The following PROC variants were observed in gnomAD, a reference collection of about 807,000 sequenced individuals.
PROC encodes the protein vitamin K-dependent protein C.
Under a neutral mutation model 36.3 loss-of-function variants are expected in PROC, and 22 were observed. The ratio of observed to expected loss-of-function variants is 0.61; its 90% CI spans 0.43 to 0.86. The LOEUF (loss-of-function observed/expected upper bound fraction) is 0.86. Ranked by LOEUF, PROC falls within the 40% of genes least tolerant of loss-of-function variation. The probability of loss-of-function intolerance (pLI) is 0.00; values close to 1 mark genes in which losing one functional copy is unlikely to be tolerated. For synonymous variants in PROC, 218 were observed against 244.5 expected (o/e 0.89, Z 1.01); for missense variants, 526 against 629.7 (o/e 0.84, Z 1.76).
chr2:127,426,697 A>G lies in PROC; in HGVS notation c.679-408A>G, dbSNP rs529057452. Among the ~76,000 whole-genome samples, 531 of 152,248 alleles carry G rather than the reference A, an allele frequency of 3.5e-3. 2 individuals carry two copies. Among genetic ancestry groups the G allele is most frequent in the Non-Finnish European group, 6.6e-3 (447 of 68,000 alleles). On this transcript the variant is annotated intron_variant, in intron 7 of 8. Coordinates refer to ENST00000234071, the MANE Select transcript of PROC (RefSeq NM_000312.4). The surrounding 1 kb of genome is among the most constrained non-coding windows in gnomAD (Gnocchi z 7.0). ...AGACTCTGCAAGGGTCAGGACCCCA[A>G]AGACCCGGCAGCCCAGTGGGACCAC...
Position 127,426,353 on chromosome 2 carries a change from A to T in PROC, c.678+126A>T. 1 of 1,383,826 alleles carries T rather than the reference A, an allele frequency of 7.2e-7. No homozygotes were observed. The highest frequency in any genetic ancestry group is 2.0e-4 in the Middle Eastern group (1 of 4,984). 85.7% of individuals were successfully genotyped at this position (1,383,826 alleles called of 1,614,324 possible). ...CTGCCATTGCGTTTGGGGGATGATG[A>T]AGGTGGGGGATGCTTCAGGGAAAGA... On this transcript the variant is annotated intron_variant, in intron 7 of 8. Transcript: ENST00000234071. The surrounding 1 kb of genome is among the most constrained non-coding windows in gnomAD (Gnocchi z 7.0).
chr2:127,424,667 T>C (rs1448711415), intron 6 of PROC, among the ~76,000 whole-genome samples: 1 of 152,188 alleles, frequency 6.6e-6, no homozygotes, highest in Non-Finnish European at 1.5e-5. Flanking sequence ...AGTGAGACCC[T>C]GTCTCTATTT....
In PROC at chr2:127,418,512, G is replaced by A. The variant is rs759889483; in HGVS notation, c.-22+20G>A. ...GCCCCTGTGAGTCCCCCTCCAGGCA[G>A]GTCTATGAGGGGTGTGGAGGGAGGG... On this transcript the variant is annotated intron_variant, in intron 1 of 8. Transcript: ENST00000234071. The surrounding 1 kb of genome is among the most constrained non-coding windows in gnomAD (Gnocchi z 4.8). 1 of 1,289,694 alleles carries A rather than the reference G, an allele frequency of 7.8e-7. No individual in the cohort carries two copies. Among genetic ancestry groups the A allele is most frequent in the Non-Finnish European group, 1.0e-6 (1 of 988,732 alleles). 79.9% of individuals were successfully genotyped at this position (1,289,694 alleles called of 1,614,324 possible). A position where few individuals can be genotyped will look rare whatever the true frequency, so the allele number is the denominator to read the frequency against.
In PROC at chr2:127,426,446, G is replaced by T; in HGVS notation, c.678+219G>T. 1 of 614,152 alleles carries T rather than the reference G, an allele frequency of 1.6e-6. No homozygotes were observed. The highest frequency in any genetic ancestry group is 2.9e-6 in the Non-Finnish European group (1 of 350,830). 38.0% of individuals were successfully genotyped at this position (614,152 alleles called of 1,614,324 possible). Reference sequence around the variant, plus strand: ...GGGAGGGGCATGGGGGCATGGAGGGGTCTGCAGGAGGGAGGGTTACAGTTT... The same window carrying T: ...GGGAGGGGCATGGGGGCATGGAGGGTTCTGCAGGAGGGAGGGTTACAGTTT... On this transcript the variant is annotated intron_variant, in intron 7 of 8. Transcript: ENST00000234071. This position sits in a 1 kb window ranked among gnomAD's most constrained non-coding sequence, Gnocchi z 7.0.
chr2:127,422,848 T>TG, intron 3 of PROC, 69 bp from the exon 4 acceptor site: 2 of 1,506,624 alleles, frequency 1.3e-6, no homozygotes, highest in Non-Finnish European at 1.8e-6. Flanking sequence ...CCCGCTGCCC[T>TG]GCCCCACCCG....
At position 127,423,908 on chromosome 2, in the gene PROC, T is replaced by C. The variant is rs147340612; in HGVS notation, c.535+500T>C. 1.6e-3 allele frequency among the ~76,000 whole-genome samples: 240 copies of C among 152,400 alleles called. 5 individuals carry two copies. The East Asian group carries it at 0.043, about 27-fold the overall frequency. ...TATGCATTTTAATCAAATTTATATA[T>C]GTATGAAACTTTAAAAATCAGAGTT... On this transcript the variant is annotated intron_variant, in intron 6 of 8. Transcript: ENST00000234071.
At chr2:127,423,611 G>A in intron 6 of PROC, 1 of 675,208 alleles carries the variant, frequency 1.5e-6, no homozygotes, top group Non-Finnish European at 2.3e-6. Context: ...CGCGCCCTCC[G>A]CTTTCCCTGC....
rs191257551 is a variant in PROC, at chr2:127,424,357, G to A, written c.535+949G>A. On this transcript the variant is annotated intron_variant, in intron 6 of 8. Transcript: ENST00000234071. ...TGGGATTACAGGCATGCGCCACCAC[G>A]CCCAGCTAATTTTGTGTTTTTAGTA... Among the ~76,000 whole-genome samples, 377 of 152,182 alleles carry A rather than the reference G, an allele frequency of 2.5e-3. 2 individuals are homozygous for A. The highest frequency in any genetic ancestry group is 8.2e-3 in the African/African-American group (340 of 41,514).
rs1245826692 is a variant in PROC at position 127,418,466 on chromosome 2, C to T, written c.-48C>T. On this transcript the variant is annotated 5_prime_UTR_variant, in exon 1 of 9. Transcript: ENST00000234071. This position sits in a 1 kb window ranked among gnomAD's most constrained non-coding sequence, Gnocchi z 4.8. ...GCTGTCATGGCGGCAGGACGGCGAA[C>T]TTGCAGTATCTCCACGACCCGCCCC... 2 of 1,289,818 alleles carry T rather than the reference C, an allele frequency of 1.6e-6. No individual in the cohort carries two copies. The highest frequency in any genetic ancestry group is 2.0e-6 in the Non-Finnish European group (2 of 988,860). The allele number at this position is 1,289,818 out of a possible 1,614,324, so 79.9% of individuals were successfully genotyped here.
intron 4 of PROC, 25 bp from the exon 5 acceptor site, chr2:127,423,009 C>G: frequency 6.2e-7 from 1 of 1,612,560 alleles, no homozygotes; most frequent in Non-Finnish European, 8.5e-7. Flanking sequence ...TGGCCGCTGA[C>G]CCCCTACCCC....
At chr2:127,420,762 C>T (rs1688045640) in intron 2 of PROC, among the ~76,000 whole-genome samples, 1 of 152,064 alleles carries the variant, frequency 6.6e-6, no homozygotes, top group South Asian at 2.1e-4. Context: ...GTGTCCCTGC[C>T]CAAGGGGAGA....
At chr2:127,427,427 T>G (rs1221372853) in intron 8 of PROC, among the ~76,000 whole-genome samples, 1 of 149,664 alleles carries the variant, frequency 6.7e-6, no homozygotes, top group Non-Finnish European at 1.5e-5. Context: ...TAGGGGGTTC[T>G]CTGGTGCCCT....
intron 3 of PROC, 60 bp downstream of exon 3, chr2:127,421,509 C>T: frequency 6.3e-7 from 1 of 1,592,974 alleles, no homozygotes; most frequent in Non-Finnish European, 8.6e-7. Context: ...CCAGCAGGGG[C>T]CTCGAGGAGC....
intron 3 of PROC, 31 bp from the exon 4 acceptor site, chr2:127,422,886 A>T: frequency 6.4e-7 from 1 of 1,550,900 alleles, no homozygotes; most frequent in Non-Finnish European, 8.7e-7. Context: ...CACCGGCTGC[A>T]GGAGCCTGAC....
chr2:127,427,301 A>T (rs1688573279), intron 8 of PROC, 79 bp downstream of exon 8: 3 of 1,285,566 alleles, frequency 2.3e-6, no homozygotes. Flanking sequence ...GGTTTGGGGG[A>T]CCCCGCTCCC....
chr2:127,420,193 A>G (rs1688007962), intron 2 of PROC, among the ~76,000 whole-genome samples, 181 bp downstream of exon 2: 1 of 152,210 alleles, frequency 6.6e-6, no homozygotes, highest in African/African-American at 2.4e-5. Context: ...AGTGCCACAC[A>G]GGGGCTGCCA....
At position 127,428,860 on chromosome 2, in the gene PROC, G is replaced by A. The variant is rs766695272; in HGVS notation, c.1300G>A (p.Val434Ile). 2.0e-5 allele frequency: 33 copies of A among 1,613,536 alleles called. No homozygotes were observed. The Middle Eastern group carries it at 4.9e-4, about 24-fold the overall frequency. ...EGCGLLHNYG[V>I]YTKVSRYLDW... ...CTGTGGGCTCCTTCACAACTACGGC[G>A]TTTACACCAAAGTCAGCCGCTACCT... The change falls in exon 9 of 9, where the codon GTT (valine) becomes ATT (isoleucine). Residue 434 changes from valine to isoleucine, a missense_variant. By Grantham distance (29) the Val-to-Ile change is conservative. Coordinates refer to ENST00000234071, the MANE Select transcript of PROC (RefSeq NM_000312.4).
At chr2:127,422,101 C>A (rs1688131455) in intron 3 of PROC, among the ~76,000 whole-genome samples, 1 of 152,182 alleles carries the variant, frequency 6.6e-6, no homozygotes, top group South Asian at 2.1e-4. Flanking sequence ...GGCCTGGGCC[C>A]CCTTCCAAGG....
chr2:127,426,316 G>T lies in PROC; in HGVS notation c.678+89G>T. The T allele has an allele frequency of 1.9e-6, 3 of 1,569,728 alleles. No individual in the cohort carries two copies. The highest frequency in any genetic ancestry group is 2.2e-5 in the South Asian group (2 of 89,668). On this transcript the variant is annotated intron_variant, in intron 7 of 8. Coordinates refer to ENST00000234071, the MANE Select transcript of PROC (RefSeq NM_000312.4). This position sits in a 1 kb window ranked among gnomAD's most constrained non-coding sequence, Gnocchi z 7.0. ...CAGCTATGCTCAGGGTGCAGAAACCGAGAGGGAAGCGCTGCCATTGCGTTT... is the reference window on the plus strand; with the variant it reads ...CAGCTATGCTCAGGGTGCAGAAACCTAGAGGGAAGCGCTGCCATTGCGTTT...
Sources: allele counts gnomAD v4.1 joint callset (sites outside exome capture counted in the v4.1 genomes callset), GRCh38; gene constraint gnomAD v4.1.1; non-coding constraint Gnocchi (gnomAD v3.1); transcripts MANE v1.5; gene names NCBI Gene and HGNC (gene_info 2026-07-23, HGNC 2026-07-21).